TMEM117: variants seen among roughly 807,000 people sequenced by gnomAD.
TMEM117 encodes transmembrane protein 117.
In TMEM117, 27 loss-of-function variants were observed where a neutral mutation model predicts 52.4. That is an observed-to-expected ratio of 0.51 (90% CI 0.38 to 0.71). The LOEUF (loss-of-function observed/expected upper bound fraction) is 0.71, where lower values mean the gene tolerates loss of function less well. Ranked by LOEUF, TMEM117 falls within the 30% of genes least tolerant of loss-of-function variation. TMEM117 has a pLI of 0.00. For missense variants in TMEM117, 556 were observed against 630.5 expected (o/e 0.88, Z 1.26); for synonymous variants, 215 against 206.3 (o/e 1.04, Z -0.36).
chr12:44,372,596 GAA>G (rs34063350), intron 6 of TMEM117, among the ~76,000 whole-genome samples: 3 of 135,112 alleles, frequency 2.2e-5, no homozygotes, highest in Non-Finnish European at 1.6e-5. Context: ...TCCCTGTGAT[GAA>G]AAAAAAAAAA....
At chr12:43,810,544 A>T in the TMEM117 span, among the ~76,000 whole-genome samples, 1 of 152,208 alleles carries the variant, frequency 6.6e-6, no homozygotes, top group African/African-American at 2.4e-5. Context: ...TGGTGGGAAG[A>T]TGGTGCAAGG....
At chr12:44,090,850 T>TTTTC (rs1947658256) in intron 3 of TMEM117, among the ~76,000 whole-genome samples, 1 of 111,760 alleles carries the variant, frequency 8.9e-6, no homozygotes, top group African/African-American at 3.4e-5. Context: ...TTTTTTTTTG[T>TTTTC]TTTTTTTTTT....
In TMEM117 at chr12:44,388,681, A is replaced by G; in HGVS notation, c.*9A>G. 6.2e-7 allele frequency: 1 copy of G among 1,610,804 alleles called. No homozygotes were observed. The highest frequency in any genetic ancestry group is 1.1e-5 in the South Asian group (1 of 90,812). On this transcript the variant is annotated 3_prime_UTR_variant, in exon 8 of 8. Transcript: ENST00000266534. ...GTACACCTACGAACTAGACTCGGAGATAGACTTGGAGATAACACAAAAAGC... is the reference window on the plus strand; with the variant it reads ...GTACACCTACGAACTAGACTCGGAGGTAGACTTGGAGATAACACAAAAAGC...
chr12:44,156,801 G>T (rs1197725612), intron 4 of TMEM117, among the ~76,000 whole-genome samples: 2 of 151,964 alleles, frequency 1.3e-5, no homozygotes, highest in African/African-American at 2.4e-5. Context: ...TTTCTTTTTG[G>T]GTTGCAGCAC....
In TMEM117 at chr12:44,321,826, T is replaced by C. The variant is rs187524083; in HGVS notation, c.768+22087T>C. Among the ~76,000 whole-genome samples the C allele has an allele frequency of 1.4e-4, 22 of 152,348 alleles. No individual in the cohort carries two copies. The East Asian group carries it at 3.5e-3, about 24-fold the overall frequency. On this transcript the variant is annotated intron_variant, in intron 6 of 7. Coordinates refer to ENST00000266534, the MANE Select transcript of TMEM117 (RefSeq NM_032256.3). ...ATATTAATAACATTAGTGTGTATTG[T>C]ATATCCAGATAGAGAATCACTAAAG...
intron 6 of TMEM117, among the ~76,000 whole-genome samples, chr12:44,338,835 A>G (rs1191321330): frequency 6.6e-6 from 1 of 152,098 alleles, no homozygotes; most frequent in Non-Finnish European, 1.5e-5. Context: ...ACAGAAACCA[A>G]TCTAGCTAGT....
intron 6 of TMEM117, among the ~76,000 whole-genome samples, chr12:44,337,773 TAGTC>T (rs1162239146): frequency 3.3e-5 from 5 of 152,066 alleles, no homozygotes; most frequent in African/African-American, 7.2e-5. Flanking sequence ...ATGCATATCA[TAGTC>T]AGTAGTTCAA....
chr12:44,005,327 A>G (rs1946176996), intron 3 of TMEM117, among the ~76,000 whole-genome samples: 1 of 152,256 alleles, frequency 6.6e-6, no homozygotes, highest in African/African-American at 2.4e-5. Context: ...TTTATGAAAT[A>G]CTAAATATAT....
chr12:43,908,109 A>G (rs1247813681), intron 2 of TMEM117, among the ~76,000 whole-genome samples: 2 of 62,230 alleles, frequency 3.2e-5, no homozygotes, highest in Admixed American at 4.1e-4. Context: ...AGGTCGGGTT[A>G]CCCTCAAAGG....
intron 2 of TMEM117, among the ~76,000 whole-genome samples, chr12:43,912,531 A>G (rs903753340): frequency 6.1e-5 from 7 of 115,490 alleles, no homozygotes; most frequent in Admixed American, 5.5e-4. Flanking sequence ...ATATATATAT[A>G]TATATGGCAG....
At chr12:43,820,084 T>C in the TMEM117 span, among the ~76,000 whole-genome samples, 1,372 of 152,246 alleles carry the variant, frequency 9.0e-3, 23 homozygotes, top group East Asian at 0.073. Flanking sequence ...CTTAACAGGG[T>C]GTAATTACAG....
At chr12:44,011,163 GT>G (rs1213224523) in intron 3 of TMEM117, among the ~76,000 whole-genome samples, 1 of 151,834 alleles carries the variant, frequency 6.6e-6, no homozygotes, top group Non-Finnish European at 1.5e-5. Context: ...AGAATTCTAG[GT>G]TTTTTTCTAG....
At chr12:43,864,744 A>T (rs1334244909) in intron 2 of TMEM117, among the ~76,000 whole-genome samples, 2 of 152,216 alleles carry the variant, frequency 1.3e-5, no homozygotes, top group African/African-American at 4.8e-5. Context: ...AATCAGCAGG[A>T]TGTGGGTTGG....
intron 4 of TMEM117, among the ~76,000 whole-genome samples, chr12:44,195,475 A>G (rs1475475704): frequency 2.0e-5 from 3 of 152,150 alleles, no homozygotes; most frequent in African/African-American, 7.2e-5. Context: ...AACTAAAGGA[A>G]AGAGGATTAC....
chr12:43,973,400 A>T (rs73085745), intron 3 of TMEM117, among the ~76,000 whole-genome samples: 9,683 of 152,236 alleles, frequency 0.064, 581 homozygotes, highest in African/African-American at 0.17. Flanking sequence ...TTGGATATCC[A>T]CTTTTAATTA....
intron 6 of TMEM117, among the ~76,000 whole-genome samples, chr12:44,314,679 G>C (rs2138681540): frequency 6.6e-6 from 1 of 151,534 alleles, no homozygotes; most frequent in East Asian, 1.9e-4. Flanking sequence ...GGATTCTCCT[G>C]CCTCAGCCTC....
chr12:44,199,388 A>T (rs1949462741), intron 4 of TMEM117, among the ~76,000 whole-genome samples: 1 of 152,210 alleles, frequency 6.6e-6, no homozygotes, highest in African/African-American at 2.4e-5. Context: ...GCTTGGCATT[A>T]ATTGGCTATA....
At chr12:44,020,858 T>C (rs1322043770) in intron 3 of TMEM117, among the ~76,000 whole-genome samples, 1 of 152,202 alleles carries the variant, frequency 6.6e-6, no homozygotes, top group Admixed American at 6.6e-5. Context: ...ATCCAGTTTA[T>C]ACATCAGTTG....
rs141035170 is a variant in TMEM117, at chr12:44,275,064, G to T, written c.609-24516G>T. ...ACAAACTACCCATCTGACGATGAAT[G>T]ACTAGAATATATAAGGAGTTCAAAC... On this transcript the variant is annotated intron_variant, in intron 5 of 7. Transcript: ENST00000266534. 3.3e-3 allele frequency among the ~76,000 whole-genome samples: 508 copies of T among 152,124 alleles called. 3 individuals carry two copies. Among genetic ancestry groups the T allele is most frequent in the African/African-American group, 0.011 (475 of 41,532 alleles).
Sources: allele counts gnomAD v4.1 joint callset (sites outside exome capture counted in the v4.1 genomes callset), GRCh38; gene constraint gnomAD v4.1.1; transcripts MANE v1.5; gene names NCBI Gene and HGNC (gene_info 2026-07-23, HGNC 2026-07-21).